The following ITGA1 variants were observed in gnomAD, a reference collection of about 807,000 sequenced individuals.
ITGA1 encodes integrin subunit alpha 1.
ITGA1 carries 85 observed loss-of-function variants against 145.9 expected under a neutral mutation model. The ratio of observed to expected loss-of-function variants is 0.58; its 90% confidence interval spans 0.49 to 0.70. The LOEUF (loss-of-function observed/expected upper bound fraction) is 0.70, where lower values mean the gene tolerates loss of function less well. Ranked by LOEUF, ITGA1 falls within the 30% of genes least tolerant of loss-of-function variation. The pLI is 0.00. For synonymous variants in ITGA1, 520 were observed against 495.3 expected (o/e 1.05, Z -0.66); for missense variants, 1,351 against 1,418.7 (o/e 0.95, Z 0.77).
intron 1 of ITGA1, among the ~76,000 whole-genome samples, chr5:52,845,393 C>A (rs1372958952): frequency 2.6e-5 from 4 of 152,052 alleles, no homozygotes; most frequent in African/African-American, 9.7e-5. Context: ...CTTTCCAAAC[C>A]TTAATAGGCA....
At chr5:52,801,119 A>C (rs1748470824) in intron 1 of ITGA1, 1 of 1,594,540 alleles carries the variant, frequency 6.3e-7, no homozygotes, top group Non-Finnish European at 8.6e-7. Context: ...AAATTTCTTC[A>C]GGTAAAACAA....
chr5:52,885,915 T>C (rs1750038944), intron 7 of ITGA1, among the ~76,000 whole-genome samples: 1 of 152,230 alleles, frequency 6.6e-6, no homozygotes, highest in Non-Finnish European at 1.5e-5. Flanking sequence ...GGTTTGATTA[T>C]ATAGGAACAT....
chr5:52,800,423 A>G, intron 1 of ITGA1: 2 of 1,614,030 alleles, frequency 1.2e-6, no homozygotes, highest in South Asian at 2.2e-5. Context: ...AACATCGAGA[A>G]GGACAATGCG....
chr5:52,925,992 A>C (rs1461190599), intron 19 of ITGA1, among the ~76,000 whole-genome samples: 1 of 152,164 alleles, frequency 6.6e-6, no homozygotes, highest in Non-Finnish European at 1.5e-5. Flanking sequence ...AAATATATTA[A>C]TCTGTGTAAG....
intron 1 of ITGA1, among the ~76,000 whole-genome samples, chr5:52,834,560 G>GAA (rs1554042403): frequency 2.3e-5 from 3 of 130,690 alleles, no homozygotes; most frequent in Non-Finnish European, 3.3e-5. Context: ...GAAAGAGAGA[G>GAA]AGAAAGAGAG....
At chr5:52,820,759 A>G (rs564291657) in intron 1 of ITGA1, among the ~76,000 whole-genome samples, 4 of 152,330 alleles carry the variant, frequency 2.6e-5, no homozygotes, top group African/African-American at 9.6e-5. Flanking sequence ...TCCCGAGACC[A>G]GAAATCAATC....
At chr5:52,940,238 G>T (rs918749813) in intron 26 of ITGA1, among the ~76,000 whole-genome samples, 18 of 151,948 alleles carry the variant, frequency 1.2e-4, no homozygotes, top group Admixed American at 3.3e-4. Flanking sequence ...ACCAAAGCTT[G>T]CACTTATCTT....
chr5:52,809,472 T>G (rs7719925), intron 1 of ITGA1, among the ~76,000 whole-genome samples: 136,586 of 150,680 alleles, frequency 0.91, 61,979 homozygotes, highest in Middle Eastern at 0.93. Flanking sequence ...GGACCTGAGA[T>G]TATTCCTCTT....
At chr5:52,925,249 T>C (rs771057073) in intron 18 of ITGA1, 29 bp from the exon 19 acceptor site, 20 of 1,582,936 alleles carry the variant, frequency 1.3e-5, no homozygotes, top group Admixed American at 1.2e-4. Flanking sequence ...AGCTAAATTT[T>C]GAAAAATTCT....
At chr5:52,848,975 C>T (rs972593557) in intron 1 of ITGA1, among the ~76,000 whole-genome samples, 8 of 152,058 alleles carry the variant, frequency 5.3e-5, no homozygotes, top group African/African-American at 1.9e-4. Context: ...TCCAGTCTAT[C>T]GTTGATGGAC....
intron 6 of ITGA1, among the ~76,000 whole-genome samples, chr5:52,866,163 C>A (rs375528086): frequency 6.6e-6 from 1 of 152,062 alleles, no homozygotes; most frequent in African/African-American, 2.4e-5. Context: ...TACAGGCATG[C>A]GCCATCACAC....
At position 52,788,236 on chromosome 5, in the gene ITGA1, G is replaced by C; in HGVS notation, c.-118G>C. 1 of 716,580 alleles carries C rather than the reference G, an allele frequency of 1.4e-6. No individual in the cohort carries two copies. The highest frequency in any genetic ancestry group is 2.1e-6 in the Non-Finnish European group (1 of 476,972). 44.4% of individuals were successfully genotyped at this position (716,580 alleles called of 1,614,324 possible). A position where few individuals can be genotyped will look rare whatever the true frequency, so the allele number is the denominator to read the frequency against. On this transcript the variant is annotated 5_prime_UTR_variant, in exon 1 of 29. Coordinates refer to ENST00000282588, the MANE Select transcript of ITGA1 (RefSeq NM_181501.2). ...CGCTCCTGGGCGCCGCTGCCACTGG[G>C]GCAGAGGACTGGGAACCGCGGCAGC... is the stretch of plus-strand genomic sequence containing the variant.
Position 52,953,051 on chromosome 5 carries a change from G to C in ITGA1, c.*600G>C, listed in dbSNP as rs1448637552. The C allele has an allele frequency of 6.6e-6, 1 of 151,990 alleles. No individual in the cohort carries two copies. Among genetic ancestry groups the C allele is most frequent in the Non-Finnish European group, 1.5e-5 (1 of 68,016 alleles). 9.4% of individuals were successfully genotyped at this position (151,990 alleles called of 1,614,324 possible). ...TAAAAATTTTCCCTCCCTGCCCAAG[G>C]TGATTGGAAAGTACTGCAATTGAGC... On this transcript the variant is annotated 3_prime_UTR_variant, in exon 29 of 29. Transcript: ENST00000282588.
chr5:52,934,030 G>T, intron 23 of ITGA1, 34 bp downstream of exon 23: 2 of 867,736 alleles, frequency 2.3e-6, no homozygotes, highest in South Asian at 5.2e-5. Context: ...TATTCTAAAG[G>T]AGTTATTTGT....
intron 28 of ITGA1, among the ~76,000 whole-genome samples, chr5:52,947,815 T>C (rs1168503730): frequency 1.3e-5 from 2 of 152,124 alleles, no homozygotes; most frequent in Non-Finnish European, 2.9e-5. Flanking sequence ...AACTGTCTTT[T>C]ATAGAGAAAG....
chr5:52,891,648 AT>A (rs575173790), intron 8 of ITGA1, among the ~76,000 whole-genome samples: 1 of 146,586 alleles, frequency 6.8e-6, no homozygotes, highest in Non-Finnish European at 1.5e-5. Context: ...TACAGAAGTG[AT>A]TTTTTATTAT....
At chr5:52,848,727 C>G (rs576818014) in intron 1 of ITGA1, among the ~76,000 whole-genome samples, 2 of 147,850 alleles carry the variant, frequency 1.4e-5, no homozygotes, top group Non-Finnish European at 3.0e-5. Context: ...TCCCTCCCCC[C>G]TCCCCCCACC....
In ITGA1 at chr5:52,844,696, T is replaced by A. The variant is rs150922717; in HGVS notation, c.62-4669T>A. On this transcript the variant is annotated intron_variant, in intron 1 of 28. Transcript: ENST00000282588. ...TTGCTGGTACATGTGAAATCAGAATTTCTTTTGACATCTGTCTTATCTATG... is the reference window on the plus strand; with the variant it reads ...TTGCTGGTACATGTGAAATCAGAATATCTTTTGACATCTGTCTTATCTATG... Among the ~76,000 whole-genome samples the A allele has an allele frequency of 9.8e-5, 15 of 152,306 alleles. No individual in the cohort carries two copies. In the East Asian group the frequency reaches 1.9e-3, roughly 20 times the overall value.
intron 1 of ITGA1, among the ~76,000 whole-genome samples, chr5:52,813,352 G>T (rs1748714104): frequency 6.6e-6 from 1 of 152,112 alleles, no homozygotes; most frequent in Non-Finnish European, 1.5e-5. Context: ...TGTTAATTAT[G>T]ATTTGAATCT....
Sources: gnomAD v4.1 joint callset for allele counts (sites outside exome capture counted in the v4.1 genomes callset) on GRCh38, gnomAD v4.1.1 for gene constraint, MANE v1.5 for transcripts, NCBI Gene and HGNC (gene_info 2026-07-23, HGNC 2026-07-21) for gene names.